The following AKAP9 variants were observed in gnomAD, a reference collection of about 807,000 sequenced individuals.
AKAP9 encodes the protein A-kinase anchor protein 9.
A neutral mutation model predicts 488.5 loss-of-function variants in AKAP9; 311 were observed. The ratio of observed to expected loss-of-function variants is 0.64; its 90% CI spans 0.58 to 0.70. The LOEUF (loss-of-function observed/expected upper bound fraction) is 0.70, where lower values mean the gene tolerates loss of function less well. Ranked by LOEUF, AKAP9 falls within the 30% of genes least tolerant of loss-of-function variation. The pLI, the probability that AKAP9 is intolerant of heterozygous loss-of-function variation, is 0.00. For synonymous variants in AKAP9, 1,462 were observed against 1,483.5 expected (o/e 0.99, Z 0.33); for missense variants, 4,215 against 4,374.5 (o/e 0.96, Z 1.03).
rs551344277 is a variant in AKAP9 at position 92,025,932 on chromosome 7, A to G, written c.4148+2923A>G. Among the ~76,000 whole-genome samples the G allele has an allele frequency of 7.9e-5, 12 of 152,354 alleles. No homozygotes were observed. The East Asian group carries it at 2.1e-3, about 27-fold the overall frequency. On this transcript the variant is annotated intron_variant, in intron 14 of 49. Transcript: ENST00000356239. ...TTTTCGAAGGTAATGGTTGGGGAAT[A>G]TAACATAGTGATATAACTAAAATGC...
chr7:91,948,952 T>C (rs542268084), intron 1 of AKAP9, among the ~76,000 whole-genome samples: 8 of 152,200 alleles, frequency 5.3e-5, no homozygotes, highest in African/African-American at 1.9e-4. Flanking sequence ...GATTTCACCA[T>C]GTTGGCCAGG....
At chr7:92,099,999 T>C (rs771894086) in intron 44 of AKAP9, 130 bp downstream of exon 44, 6 of 778,848 alleles carry the variant, frequency 7.7e-6, no homozygotes, top group Non-Finnish European at 1.3e-5. Flanking sequence ...TGTAGAAAAT[T>C]TTATAGGGAT....
In AKAP9 at chr7:92,028,031, T is replaced by G. The variant is rs375236008; in HGVS notation, c.4149-1864T>G. ...TCTCTGAAACATGTGCTGTGTCAAC[T>G]CAGGGTTAAATGGATTAAGGGTGGT... On this transcript the variant is annotated intron_variant, in intron 14 of 49. Coordinates refer to ENST00000356239, the MANE Select transcript of AKAP9 (RefSeq NM_005751.5). Among the ~76,000 whole-genome samples the G allele has an allele frequency of 2.8e-3, 427 of 152,246 alleles. 3 individuals are homozygous for G. The highest frequency in any genetic ancestry group is 9.8e-3 in the African/African-American group (407 of 41,542).
chr7:91,945,367 A>G (rs1791334738), intron 1 of AKAP9, among the ~76,000 whole-genome samples: 1 of 152,138 alleles, frequency 6.6e-6, no homozygotes, highest in African/African-American at 2.4e-5. Context: ...AAAATTAGCC[A>G]GGCGTGGTGG....
intron 22 of AKAP9, among the ~76,000 whole-genome samples, 188 bp from the exon 23 acceptor site, chr7:92,061,072 C>T (rs1403018602): frequency 6.6e-6 from 1 of 152,092 alleles, no homozygotes; most frequent in Non-Finnish European, 1.5e-5. Context: ...TCGTGCACAG[C>T]CAATATACAT....
chr7:91,948,294 G>A (rs1214426274), intron 1 of AKAP9, among the ~76,000 whole-genome samples: 1 of 152,152 alleles, frequency 6.6e-6, no homozygotes, highest in Non-Finnish European at 1.5e-5. Context: ...TATATACCTA[G>A]TAGTAGAACT....
At chr7:91,976,937 A>G (rs1795774030) in intron 2 of AKAP9, among the ~76,000 whole-genome samples, 1 of 152,104 alleles carries the variant, frequency 6.6e-6, no homozygotes, top group African/African-American at 2.4e-5. Context: ...TCCTTTAGTT[A>G]TTTGACTGTA....
intron 36 of AKAP9, among the ~76,000 whole-genome samples, chr7:92,085,989 G>A (rs1814490668): frequency 6.6e-6 from 1 of 152,020 alleles, no homozygotes; most frequent in South Asian, 2.1e-4. Context: ...TGTAATCCCA[G>A]CTACTCAGGA....
chr7:91,983,078 G>C (rs1475038961), intron 3 of AKAP9, among the ~76,000 whole-genome samples: 3 of 151,434 alleles, frequency 2.0e-5, no homozygotes, highest in Admixed American at 6.6e-5. Context: ...TATACTTTAA[G>C]TTCTAGGGTA....
chr7:92,077,345 C>G (rs946551932), intron 29 of AKAP9, among the ~76,000 whole-genome samples: 2 of 152,040 alleles, frequency 1.3e-5, no homozygotes, highest in Non-Finnish European at 2.9e-5. Flanking sequence ...CCTGTCTTGG[C>G]CTCCCAAAGT....
At chr7:92,068,031 T>TACTAGAGTATACATA (rs1554443405) in intron 26 of AKAP9, among the ~76,000 whole-genome samples, 64 of 152,140 alleles carry the variant, frequency 4.2e-4, no homozygotes, top group Admixed American at 1.3e-3. Flanking sequence ...AAACTCCTTA[T>TACTAGAGTATACATA]AATAAAATGT....
chr7:92,104,486 G>A (rs1204017994), intron 46 of AKAP9, among the ~76,000 whole-genome samples: 6 of 152,038 alleles, frequency 3.9e-5, no homozygotes, highest in Admixed American at 2.0e-4. Flanking sequence ...CCACTGCACC[G>A]GCCTATTTTT....
At position 91,940,929 on chromosome 7, in the gene AKAP9, G is replaced by T. The variant is rs1042121906; in HGVS notation, c.-171G>T. The stretch of plus-strand genomic sequence containing the variant: ...CGGCGCTTCCCGTGCGGCTGAGGAC[G>T]ATCCGCCAGTGAGCGCGGAGACTGC... On this transcript the variant is annotated 5_prime_UTR_variant, in exon 1 of 50. Coordinates refer to ENST00000356239, the MANE Select transcript of AKAP9 (RefSeq NM_005751.5). 2 of 731,668 alleles carry T rather than the reference G, an allele frequency of 2.7e-6. No homozygotes were observed. The highest frequency in any genetic ancestry group is 1.6e-5 in the South Asian group (1 of 63,420). 45.3% of individuals were successfully genotyped at this position (731,668 alleles called of 1,614,324 possible).
In AKAP9 at chr7:92,014,340, A is replaced by C; in HGVS notation, c.3612+12A>C. 6.3e-7 allele frequency: 1 copy of C among 1,585,834 alleles called. No homozygotes were observed. Among genetic ancestry groups the C allele is most frequent in the Non-Finnish European group, 8.6e-7 (1 of 1,156,120 alleles). On this transcript the variant is annotated intron_variant, in intron 10 of 49. Coordinates refer to ENST00000356239, the MANE Select transcript of AKAP9 (RefSeq NM_005751.5). ...CTTATTTTTTACAGGTAAAATGTTT[A>C]AAAGTACTTTTATGGCCAGATGTGG...
chr7:91,941,545 G>A (rs1385863280), intron 1 of AKAP9, among the ~76,000 whole-genome samples: 1 of 152,078 alleles, frequency 6.6e-6, no homozygotes, highest in African/African-American at 2.4e-5. Context: ...TCTTTATTGG[G>A]TTGGGGATTT....
chr7:92,103,588 G>T (rs1194150953), intron 46 of AKAP9, among the ~76,000 whole-genome samples: 1 of 151,582 alleles, frequency 6.6e-6, no homozygotes, highest in East Asian at 1.9e-4. Flanking sequence ...CCAGCTACTT[G>T]GGAGGCTGAG....
At chr7:92,014,433 G>A in intron 10 of AKAP9, 105 bp downstream of exon 10, 1 of 812,660 alleles carries the variant, frequency 1.2e-6, no homozygotes, top group East Asian at 2.7e-5. Context: ...TTCGAGACCA[G>A]CCTGGCCAAC....
chr7:92,061,477 A>G, intron 23 of AKAP9, 55 bp downstream of exon 23: 1 of 1,598,558 alleles, frequency 6.3e-7, no homozygotes, highest in Non-Finnish European at 8.5e-7. Flanking sequence ...CTTAAAATAG[A>G]GATTTTTGAT....
intron 2 of AKAP9, among the ~76,000 whole-genome samples, chr7:91,977,157 G>A (rs762974752): frequency 1.3e-4 from 20 of 152,208 alleles, no homozygotes; most frequent in South Asian, 6.2e-4. Flanking sequence ...CTACTCCAGA[G>A]GCTAAGGTGG....
Sources: gnomAD v4.1 joint callset for allele counts (sites outside exome capture counted in the v4.1 genomes callset) on GRCh38, gnomAD v4.1.1 for gene constraint, MANE v1.5 for transcripts, NCBI Gene and HGNC (gene_info 2026-07-23, HGNC 2026-07-21) for gene names.